Variants in SHE observed in about 807,000 individuals in gnomAD.
SHE encodes the protein SH2 domain-containing adapter protein E.
SHE carries 11 observed loss-of-function variants against 49.8 expected under a neutral mutation model. That is an observed-to-expected ratio of 0.22 (90% CI 0.14 to 0.37). The LOEUF (loss-of-function observed/expected upper bound fraction) is 0.37. Among genes scored for constraint, SHE ranks in the 10% least tolerant of loss-of-function variants. The pLI, the probability that SHE is intolerant of heterozygous loss-of-function variation, is 1.00. For synonymous variants in SHE, 310 were observed against 278.1 expected, an observed-to-expected ratio of 1.11 and a Z score of -1.14; for missense variants, 624 against 655.5, an observed-to-expected ratio of 0.95 and a Z score of 0.52.
At chr1:154,475,651 A>G (rs1445155927), downstream of SHE, among the ~76,000 whole-genome samples, 33 of 152,376 alleles carry the variant, frequency 2.2e-4, no homozygotes, top group African/African-American at 7.7e-4. Context: ...GTCCAATCAT[A>G]TTATACTGCC....
chr1:154,475,777 T>C (rs751092155), downstream of SHE, among the ~76,000 whole-genome samples: 1 of 152,064 alleles, frequency 6.6e-6, no homozygotes, highest in Non-Finnish European at 1.5e-5. Flanking sequence ...TGGTTCATTG[T>C]ATTCATTTCT....
intron 1 of SHE, 129 bp downstream of exon 1, chr1:154,501,307 G>T: frequency 1.2e-6 from 1 of 810,548 alleles, no homozygotes; most frequent in Non-Finnish European, 2.0e-6. Context: ...ATTCCCAAAT[G>T]GTGGAGGGAG....
Position 154,480,249 on chromosome 1 carries a change from C to T in SHE, c.*3900G>A. ...ATCTGTGAAGGGTTTCAGTGCAATC[C>T]TGCTGAGTGTCAAGGGGTGCGGGGA... On this transcript the variant is annotated 3_prime_UTR_variant, in exon 6 of 6. Coordinates refer to ENST00000304760, the MANE Select transcript of SHE (RefSeq NM_001010846.3). 1.0e-6 allele frequency: 1 copy of T among 985,452 alleles called. No individual in the cohort carries two copies. The highest frequency in any genetic ancestry group is 1.7e-5 in the African/African-American group (1 of 57,350). The allele number at this position is 985,452 out of a possible 1,614,324, so 61.0% of individuals were successfully genotyped here. A position where few individuals can be genotyped will look rare whatever the true frequency, so the allele number is the denominator to read the frequency against.
chr1:154,472,809 G>A (rs1270918000), intron 1 of SHE, among the ~76,000 whole-genome samples: 1 of 152,102 alleles, frequency 6.6e-6, no homozygotes, highest in African/African-American at 2.4e-5. Context: ...TGGCCTTACT[G>A]GTTACCTAGA....
chr1:154,472,518 G>T (rs1319159302), intron 1 of SHE, among the ~76,000 whole-genome samples: 1 of 152,208 alleles, frequency 6.6e-6, no homozygotes, highest in Non-Finnish European at 1.5e-5. Flanking sequence ...GTTCCACAAT[G>T]AGGTGGATGC....
Position 154,484,437 on chromosome 1 carries a change from T to A in SHE, c.1302-102A>T, listed in dbSNP as rs1045192133. The A allele has an allele frequency of 2.6e-4, 244 of 951,344 alleles. 1 individual carries two copies. Among genetic ancestry groups the A allele is most frequent in the Non-Finnish European group, 5.1e-5 (32 of 628,768 alleles). The allele number at this position is 951,344 out of a possible 1,614,324, so 58.9% of individuals were successfully genotyped here. A position where few individuals can be genotyped will look rare whatever the true frequency, so the allele number is the denominator to read the frequency against. On this transcript the variant is annotated intron_variant, in intron 5 of 5. Transcript: ENST00000304760. Reference sequence around the variant, plus strand: ...TTCACACTAGGTTGATAGGTTCTCATCCATCCCGTAATGGTTCTACACACA... The same window carrying A: ...TTCACACTAGGTTGATAGGTTCTCAACCATCCCGTAATGGTTCTACACACA...
chr1:154,496,895 A>T lies in SHE; in HGVS notation c.718+2217T>A, dbSNP rs140929532. Reference sequence around the variant, plus strand: ...CAGTTAAAGAGAAAGATAAGAATAAAAACCCAAGGACAAAGAAAGGTGAAT... The same window carrying T: ...CAGTTAAAGAGAAAGATAAGAATAATAACCCAAGGACAAAGAAAGGTGAAT... On this transcript the variant is annotated intron_variant, in intron 2 of 5. Transcript: ENST00000304760. Among the ~76,000 whole-genome samples, 118 of 152,372 alleles carry T rather than the reference A, an allele frequency of 7.7e-4. No individual in the cohort carries two copies. The East Asian group carries it at 0.02, about 26-fold the overall frequency.
chr1:154,480,647 T>A lies in SHE; in HGVS notation c.*3502A>T. On this transcript the variant is annotated 3_prime_UTR_variant, in exon 6 of 6. Coordinates refer to ENST00000304760, the MANE Select transcript of SHE (RefSeq NM_001010846.3). Reference sequence around the variant, plus strand: ...CCAACAGCAAAGAATAAAGGCTTTCTAAAATGCTTAAGAAAGTGCTTTGAA... The same window carrying A: ...CCAACAGCAAAGAATAAAGGCTTTCAAAAATGCTTAAGAAAGTGCTTTGAA... 1.0e-6 allele frequency: 1 copy of A among 985,452 alleles called. No homozygotes were observed. Among genetic ancestry groups the A allele is most frequent in the Non-Finnish European group, 1.2e-6 (1 of 829,936 alleles). The allele number at this position is 985,452 out of a possible 1,614,324, so 61.0% of individuals were successfully genotyped here.
chr1:154,476,121 T>C (rs1213354652), downstream of SHE, among the ~76,000 whole-genome samples: 1 of 152,164 alleles, frequency 6.6e-6, no homozygotes, highest in East Asian at 1.9e-4. Context: ...TGAGTCAGGA[T>C]GATTGCTTCA....
rs192360805 is a variant in SHE, at chr1:154,489,935, T to G, written c.719-579A>C. Among the ~76,000 whole-genome samples, 291 of 152,364 alleles carry G rather than the reference T, an allele frequency of 1.9e-3. 1 individual carries two copies. Among genetic ancestry groups the G allele is most frequent in the African/African-American group, 6.7e-3 (278 of 41,586 alleles). On this transcript the variant is annotated intron_variant, in intron 2 of 5. Coordinates refer to ENST00000304760, the MANE Select transcript of SHE (RefSeq NM_001010846.3). ...GTAATAAAGTTTTGAACATCTCATG[T>G]GATCTACTGAATGCTCAAAGTAAAA...
intron 1 of SHE, among the ~76,000 whole-genome samples, chr1:154,472,314 GGCA>G: frequency 1.3e-5 from 2 of 152,362 alleles, no homozygotes; most frequent in Middle Eastern, 6.8e-3. Flanking sequence ...CACTCACGCA[GGCA>G]GCGTGTTTTC....
chr1:154,497,132 C>T (rs908377569), intron 2 of SHE, among the ~76,000 whole-genome samples: 1 of 152,228 alleles, frequency 6.6e-6, no homozygotes, highest in South Asian at 2.1e-4. Flanking sequence ...CCTCCCCACA[C>T]GGAGGGCCTT....
chr1:154,480,487 C>T lies in SHE; in HGVS notation c.*3662G>A. ...AGACTAGTAACAGAGTTACATAATCCAATTAACAAATTAGGACAATTTCCC... is the reference window on the plus strand; with the variant it reads ...AGACTAGTAACAGAGTTACATAATCTAATTAACAAATTAGGACAATTTCCC... On this transcript the variant is annotated 3_prime_UTR_variant, in exon 6 of 6. Transcript: ENST00000304760. 1.0e-6 allele frequency: 1 copy of T among 985,422 alleles called. No homozygotes were observed. Among genetic ancestry groups the T allele is most frequent in the Non-Finnish European group, 1.2e-6 (1 of 829,924 alleles). 61.0% of individuals were successfully genotyped at this position (985,422 alleles called of 1,614,324 possible). A position where few individuals can be genotyped will look rare whatever the true frequency, so the allele number is the denominator to read the frequency against.
Position 154,481,873 on chromosome 1 carries a change from A to C in SHE, c.*2276T>G. The C allele has an allele frequency of 4.8e-6, 4 of 840,560 alleles. No homozygotes were observed. The highest frequency in any genetic ancestry group is 5.7e-6 in the Non-Finnish European group (4 of 697,762). 52.1% of individuals were successfully genotyped at this position (840,560 alleles called of 1,614,324 possible). The stretch of plus-strand genomic sequence containing the variant: ...TTTTTGTTTGCTTGCTTGTTGAGAC[A>C]GGGTCTCACTCTGTCACTCAGGCTG... On this transcript the variant is annotated 3_prime_UTR_variant, in exon 6 of 6. Coordinates refer to ENST00000304760, the MANE Select transcript of SHE (RefSeq NM_001010846.3).
At chr1:154,479,423 T>TA, downstream of SHE, 1 of 852,832 alleles carries the variant, frequency 1.2e-6, no homozygotes, top group Non-Finnish European at 1.4e-6. Flanking sequence ...CCATGGGAAG[T>TA]ATTTTTCTGA....
chr1:154,473,938 G>C (rs1487986198), intron 1 of SHE, among the ~76,000 whole-genome samples: 3 of 152,226 alleles, frequency 2.0e-5, no homozygotes, highest in African/African-American at 7.2e-5. Context: ...AGGCAACTGA[G>C]GCTTATATTG....
chr1:154,493,116 T>TA lies in SHE; in HGVS notation c.719-3761dup, dbSNP rs543196985. Among the ~76,000 whole-genome samples, 460 of 152,352 alleles carry TA rather than the reference T, an allele frequency of 3.0e-3. 3 individuals are homozygous for TA. Among genetic ancestry groups the TA allele is most frequent in the Non-Finnish European group, 4.8e-3 (326 of 68,032 alleles). On this transcript the variant is annotated intron_variant, in intron 2 of 5. Transcript: ENST00000304760. ...TCTATTTAGACAGTCTCCCCACACT[T>TA]AGAGTTCTGGGAGATACACAAAGCA...
At chr1:154,500,466 G>A (rs745638033) in intron 1 of SHE, among the ~76,000 whole-genome samples, 19 of 152,246 alleles carry the variant, frequency 1.2e-4, no homozygotes, top group Non-Finnish European at 2.5e-4. Context: ...TACACAGCAT[G>A]TGTTATGGGC....
rs1222420839 is a variant in SHE at position 154,479,816 on chromosome 1, C to G, written c.*4333G>C. On this transcript the variant is annotated 3_prime_UTR_variant, in exon 6 of 6. Coordinates refer to ENST00000304760, the MANE Select transcript of SHE (RefSeq NM_001010846.3). ...GAGATTCTAAATTACACGATCCAGC[C>G]TTAGTCCAGGGACCTTGTGATGATA... 2 of 985,324 alleles carry G rather than the reference C, an allele frequency of 2.0e-6. No homozygotes were observed. Among genetic ancestry groups the G allele is most frequent in the African/African-American group, 3.5e-5 (2 of 57,238 alleles). 61.0% of individuals were successfully genotyped at this position (985,324 alleles called of 1,614,324 possible). A position where few individuals can be genotyped will look rare whatever the true frequency, so the allele number is the denominator to read the frequency against.
Sources: allele counts gnomAD v4.1 joint callset (sites outside exome capture counted in the v4.1 genomes callset), GRCh38; gene constraint gnomAD v4.1.1; transcripts MANE v1.5; gene names NCBI Gene and HGNC (gene_info 2026-07-23, HGNC 2026-07-21).